ENTREP2: variants seen among roughly 807,000 people sequenced by gnomAD.
The protein encoded by ENTREP2 is endosomal transmembrane epsin interactor 2.
chr15:29,522,635 G>GC, the ENTREP2 span, among the ~76,000 whole-genome samples: 1 of 152,178 alleles, frequency 6.6e-6, no homozygotes, highest in South Asian at 2.1e-4. Flanking sequence ...CTCGGCAGGA[G>GC]CCTTGCAAAC....
the ENTREP2 span, among the ~76,000 whole-genome samples, chr15:29,491,002 A>G: frequency 6.6e-6 from 1 of 152,202 alleles, no homozygotes; most frequent in Admixed American, 6.5e-5. Flanking sequence ...GGCGGGCTGC[A>G]GATCCCCAGC....
At chr15:29,224,044 C>T in the ENTREP2 span, among the ~76,000 whole-genome samples, 4 of 152,186 alleles carry the variant, frequency 2.6e-5, no homozygotes, top group African/African-American at 9.6e-5. Flanking sequence ...AAGCCGTGGA[C>T]CCTCACACTG....
At chr15:29,223,759 C>A in the ENTREP2 span, among the ~76,000 whole-genome samples, 1 of 152,090 alleles carries the variant, frequency 6.6e-6, no homozygotes, top group African/African-American at 2.4e-5. Context: ...GGTTCTGGAG[C>A]CCCTGCGCCT....
chr15:29,145,571 C>T, the ENTREP2 span, among the ~76,000 whole-genome samples: 2 of 127,666 alleles, frequency 1.6e-5, no homozygotes, highest in Admixed American at 9.9e-5. Context: ...TGCAGTGAGC[C>T]GAGATTATAC....
chr15:29,283,669 G>T, the ENTREP2 span, among the ~76,000 whole-genome samples: 1 of 152,190 alleles, frequency 6.6e-6, no homozygotes, highest in Non-Finnish European at 1.5e-5. Flanking sequence ...TTGAAGGAAG[G>T]AGACAGCCAA....
chr15:29,213,651 C>CAAAT, the ENTREP2 span, among the ~76,000 whole-genome samples: 1 of 152,278 alleles, frequency 6.6e-6, no homozygotes, highest in South Asian at 2.1e-4. Context: ...TATCCTGAGA[C>CAAAT]TTTGCTGAAT....
chr15:29,598,259 G>C, the ENTREP2 span, among the ~76,000 whole-genome samples: 1 of 152,186 alleles, frequency 6.6e-6, no homozygotes, highest in African/African-American at 2.4e-5. Context: ...AGTTGGTATT[G>C]TTGGTTTTTG....
the ENTREP2 span, among the ~76,000 whole-genome samples, chr15:29,478,047 C>T: frequency 1.3e-5 from 1 of 77,600 alleles, no homozygotes; most frequent in South Asian, 4.6e-4. Context: ...TTTTCTGAGA[C>T]GGAGTCTTGC....
chr15:29,502,535 AG>A, the ENTREP2 span, among the ~76,000 whole-genome samples: 2 of 152,040 alleles, frequency 1.3e-5, no homozygotes, highest in Non-Finnish European at 2.9e-5. Flanking sequence ...GTTAAGGAAA[AG>A]TTTTTTGGAA....
the ENTREP2 span, among the ~76,000 whole-genome samples, chr15:29,246,991 A>ACACG: frequency 1.3e-5 from 2 of 151,640 alleles, no homozygotes; most frequent in Admixed American, 6.6e-5. Flanking sequence ...ACACACACAC[A>ACACG]CACACACACA....
At chr15:29,163,170 G>A in the ENTREP2 span, among the ~76,000 whole-genome samples, 1 of 152,158 alleles carries the variant, frequency 6.6e-6, no homozygotes, top group Non-Finnish European at 1.5e-5. Context: ...ACAGCCTTCA[G>A]CCCTAGACCT....
At chr15:29,558,213 C>G in the ENTREP2 span, among the ~76,000 whole-genome samples, 3 of 152,244 alleles carry the variant, frequency 2.0e-5, no homozygotes, top group South Asian at 6.2e-4. Flanking sequence ...TGTGAGGGCA[C>G]TCAGAGAGGA....
the ENTREP2 span, among the ~76,000 whole-genome samples, chr15:29,326,572 C>A: frequency 6.6e-6 from 1 of 151,852 alleles, no homozygotes; most frequent in South Asian, 2.1e-4. Flanking sequence ...CAAAGATTAC[C>A]TAAATAAATA....
At chr15:29,377,823 A>AAAAAATAAT in the ENTREP2 span, among the ~76,000 whole-genome samples, 1 of 113,018 alleles carries the variant, frequency 8.8e-6, no homozygotes, top group African/African-American at 3.9e-5. Context: ...TCTGTCTCAA[A>AAAAAATAAT]AATAATAATA....
At chr15:29,411,718 T>G in the ENTREP2 span, among the ~76,000 whole-genome samples, 1 of 152,238 alleles carries the variant, frequency 6.6e-6, no homozygotes, top group African/African-American at 2.4e-5. Flanking sequence ...CTGTCTTGTT[T>G]AAAAAATTCT....
the ENTREP2 span, among the ~76,000 whole-genome samples, chr15:29,642,496 T>C: frequency 4.8e-4 from 70 of 147,340 alleles, no homozygotes; most frequent in African/African-American, 1.7e-3. Context: ...TATACATATA[T>C]ACACATATAT....
chr15:29,265,576 T>C, the ENTREP2 span: 2 of 152,282 alleles, frequency 1.3e-5, no homozygotes, highest in East Asian at 1.9e-4. Context: ...GAGGCAGAGA[T>C]TGCACTGAGC....
the ENTREP2 span, among the ~76,000 whole-genome samples, chr15:29,488,570 G>A: frequency 6.6e-6 from 1 of 152,226 alleles, no homozygotes; most frequent in Non-Finnish European, 1.5e-5. Context: ...AAGAAGTTCA[G>A]TGAGTTTCAA....
At chr15:29,672,627 A>T in the ENTREP2 span, among the ~76,000 whole-genome samples, 2 of 152,100 alleles carry the variant, frequency 1.3e-5, no homozygotes, top group African/African-American at 4.8e-5. Context: ...GACAGAGCCG[A>T]TTTATCAAGA....
Sources: gnomAD v4.1 joint callset for allele counts (sites outside exome capture counted in the v4.1 genomes callset) on GRCh38, gnomAD v4.1.1 for gene constraint, MANE v1.5 for transcripts, NCBI Gene and HGNC (gene_info 2026-07-23, HGNC 2026-07-21) for gene names.